Variants in MTSS1 observed in about 807,000 individuals in gnomAD.
MTSS1 encodes MTSS I-BAR domain containing 1, also known as protein MTSS 1.
A neutral mutation model predicts 79.0 loss-of-function variants in MTSS1; 18 were observed. That is an observed-to-expected ratio of 0.23 (90% CI 0.16 to 0.34). The LOEUF (loss-of-function observed/expected upper bound fraction) is 0.34. MTSS1 is among the 10% of genes least tolerant of loss of function. The probability of loss-of-function intolerance (pLI) is 1.00; values close to 1 mark genes in which losing one functional copy is unlikely to be tolerated. For missense variants in MTSS1, 815 were observed against 986.2 expected, an observed-to-expected ratio of 0.83 and a Z score of 2.33; for synonymous variants, 341 against 368.6, an observed-to-expected ratio of 0.93 and a Z score of 0.86.
chr8:124,668,447 C>G (rs1823525970), intron 3 of MTSS1, among the ~76,000 whole-genome samples: 1 of 152,098 alleles, frequency 6.6e-6, no homozygotes, highest in African/African-American at 2.4e-5. Context: ...GTTTGAAAAC[C>G]CGCCTTTCTC....
At chr8:124,563,225 A>G (rs1305342228) in intron 9 of MTSS1, 6 of 545,060 alleles carry the variant, frequency 1.1e-5, no homozygotes, top group Non-Finnish European at 2.0e-5. Context: ...AGGGGGAAAT[A>G]CAGCTGCCAG....
intron 3 of MTSS1, among the ~76,000 whole-genome samples, chr8:124,650,578 A>G (rs895386982): frequency 6.6e-6 from 1 of 152,078 alleles, no homozygotes; most frequent in Non-Finnish European, 1.5e-5. Context: ...GACATTTGCA[A>G]ATGGAAGCTA....
chr8:124,707,812 G>A (rs1450613174), intron 1 of MTSS1, among the ~76,000 whole-genome samples: 1 of 152,162 alleles, frequency 6.6e-6, no homozygotes, highest in Non-Finnish European at 1.5e-5. Context: ...GGAGATCGAA[G>A]CTGCAGTGAG....
chr8:124,684,537 C>T (rs1268604298), intron 3 of MTSS1, among the ~76,000 whole-genome samples: 1 of 152,144 alleles, frequency 6.6e-6, no homozygotes, highest in Non-Finnish European at 1.5e-5. Context: ...TTCCTTCTCC[C>T]TCATAAAAGC....
intron 3 of MTSS1, among the ~76,000 whole-genome samples, chr8:124,600,282 T>C (rs1267999923): frequency 6.6e-6 from 1 of 152,236 alleles, no homozygotes; most frequent in Non-Finnish European, 1.5e-5. Context: ...ATCATATCTT[T>C]CTAAACATTC....
chr8:124,623,174 T>C (rs1587372075), intron 3 of MTSS1, among the ~76,000 whole-genome samples: 1 of 152,250 alleles, frequency 6.6e-6, no homozygotes, highest in African/African-American at 2.4e-5. Context: ...ATGGTTACCC[T>C]ACTGAAAATT....
In MTSS1 at chr8:124,557,814, G is replaced by C; in HGVS notation, c.1097C>G (p.Ala366Gly). ...AGGCAGGCAATGAGGGAAAAGGCCT[G>C]CACCCGTGGGCCCCACGTGGGACTC... The part of the protein sequence containing the change: ...SSESHVGPTG[A>G]GLFPHCLPAS... Residue 366 changes from alanine to glycine, a missense_variant, in exon 11 of 14, where the codon GCA (alanine) becomes GGA (glycine). Around this residue, in one of 2 missense-constraint regions of MTSS1, gnomAD observed 590 missense variants for 620.8 expected, o/e 0.95. Coordinates refer to ENST00000518547, the MANE Select transcript of MTSS1 (RefSeq NM_014751.6). 1.2e-6 allele frequency: 2 copies of C among 1,601,078 alleles called. No homozygotes were observed. The highest frequency in any genetic ancestry group is 1.7e-6 in the Non-Finnish European group (2 of 1,173,680).
intron 3 of MTSS1, among the ~76,000 whole-genome samples, chr8:124,656,283 C>G (rs1296523116): frequency 6.6e-6 from 1 of 152,106 alleles, no homozygotes; most frequent in Non-Finnish European, 1.5e-5. Context: ...AAAGGCTGAA[C>G]TGGCAAGGAG....
At chr8:124,558,792 C>A in intron 10 of MTSS1, 6 of 1,577,848 alleles carry the variant, frequency 3.8e-6, no homozygotes, top group Non-Finnish European at 5.1e-6. Context: ...CACTGACTGG[C>A]AGGTTTCCGA....
At chr8:124,622,570 G>A (rs564084035) in intron 3 of MTSS1, among the ~76,000 whole-genome samples, 9 of 151,538 alleles carry the variant, frequency 5.9e-5, no homozygotes, top group East Asian at 1.9e-4. Context: ...CAAGGCAGGC[G>A]GATCACTTGA....
chr8:124,681,559 G>A (rs1349569067), intron 3 of MTSS1, among the ~76,000 whole-genome samples: 6 of 152,180 alleles, frequency 3.9e-5, no homozygotes, highest in African/African-American at 1.2e-4. Flanking sequence ...AGGCCAAGGC[G>A]GGTGCATAAC....
intron 1 of MTSS1, among the ~76,000 whole-genome samples, chr8:124,707,838 C>T (rs957681574): frequency 6.6e-6 from 1 of 152,002 alleles, no homozygotes; most frequent in Admixed American, 6.6e-5. Context: ...ATTGTGCCAC[C>T]GCACTCCAGC....
At chr8:124,558,703 G>A (rs780894756) in intron 10 of MTSS1, 84 of 1,536,574 alleles carry the variant, frequency 5.5e-5, no homozygotes, top group South Asian at 2.0e-4. Context: ...GCTGCCACCC[G>A]GGCGGTCACC....
At chr8:124,650,232 T>C (rs1333087863) in intron 3 of MTSS1, among the ~76,000 whole-genome samples, 1 of 152,168 alleles carries the variant, frequency 6.6e-6, no homozygotes, top group African/African-American at 2.4e-5. Flanking sequence ...GGTTTCACCA[T>C]GTTGGCCAGA....
intron 3 of MTSS1, among the ~76,000 whole-genome samples, chr8:124,642,057 A>G (rs578128891): frequency 3.9e-5 from 6 of 152,234 alleles, no homozygotes; most frequent in Admixed American, 6.5e-5. Context: ...AAAGTCTCCA[A>G]AAGTTGAAAG....
chr8:124,702,938 C>A (rs946704726), intron 2 of MTSS1, among the ~76,000 whole-genome samples: 1 of 152,166 alleles, frequency 6.6e-6, no homozygotes. Flanking sequence ...TATTTCATAT[C>A]ACATGATATA....
intron 3 of MTSS1, among the ~76,000 whole-genome samples, chr8:124,682,674 G>GGCTAACTGCAAGGCCAGCTCAGGGCA (rs1826318227): frequency 6.6e-6 from 1 of 152,214 alleles, no homozygotes; most frequent in Non-Finnish European, 1.5e-5. Context: ...ATGGGCCAGT[G>GGCTAACTGCAAGGCCAGCTCAGGGCA]GCTAACTGCA....
chr8:124,554,953 C>T (rs1005977386), intron 13 of MTSS1, among the ~76,000 whole-genome samples: 13 of 152,138 alleles, frequency 8.5e-5, no homozygotes, highest in Non-Finnish European at 1.8e-4. Context: ...AAGCAGTCCT[C>T]CCACCTCAGC....
At chr8:124,610,684 A>G (rs1212383351) in intron 3 of MTSS1, among the ~76,000 whole-genome samples, 1 of 152,180 alleles carries the variant, frequency 6.6e-6, no homozygotes, top group Non-Finnish European at 1.5e-5. Flanking sequence ...GCTCCCCTTC[A>G]TGCCAGGAGG....
Sources: gnomAD v4.1 joint callset for allele counts (sites outside exome capture counted in the v4.1 genomes callset) on GRCh38, gnomAD v4.1.1 for gene constraint, gnomAD v4.1.1 regional missense constraint, MANE v1.5 for transcripts, NCBI Gene and HGNC (gene_info 2026-07-23, HGNC 2026-07-21) for gene names.